PIGB: variants seen among roughly 807,000 people sequenced by gnomAD.
PIGB encodes GPI alpha-1,2-mannosyltransferase 3.
PIGB carries 58 observed loss-of-function variants against 68.4 expected under a neutral mutation model. The observed-to-expected ratio is 0.85, with a 90% CI of 0.69 to 1.06. The LOEUF is 1.06. Among genes scored for constraint, PIGB ranks in the 50% least tolerant of loss-of-function variants. The pLI, the probability that PIGB is intolerant of heterozygous loss-of-function variation, is 0.00. For missense variants in PIGB, 634 were observed against 655.8 expected (o/e 0.97, Z 0.36); for synonymous variants, 219 against 220.5 (o/e 0.99, Z 0.06).
At chr15:55,335,830 G>A (rs1445708469) in intron 6 of PIGB, among the ~76,000 whole-genome samples, 1 of 152,154 alleles carries the variant, frequency 6.6e-6, no homozygotes, top group Non-Finnish European at 1.5e-5. Context: ...GTGAGTTTGG[G>A]AGAATGTAAT....
Position 55,341,814 on chromosome 15 carries a change from T to C in PIGB, c.1123+12T>C. ...TATGGTGTTCTGTGGTAAGTGCTTT[T>C]GTTTGTTATAGAAAATAAATTATAT... On this transcript the variant is annotated intron_variant, in intron 9 of 11. Coordinates refer to ENST00000164305, the MANE Select transcript of PIGB (RefSeq NM_004855.5). 7.8e-7 allele frequency: 1 copy of C among 1,282,340 alleles called. No homozygotes were observed. Among genetic ancestry groups the C allele is most frequent in the Non-Finnish European group, 1.0e-6 (1 of 952,452 alleles). The allele number at this position is 1,282,340 out of a possible 1,614,324, so 79.4% of individuals were successfully genotyped here. A position where few individuals can be genotyped will look rare whatever the true frequency, so the allele number is the denominator to read the frequency against.
At position 55,344,890 on chromosome 15, in the gene PIGB, CTTTTTT is replaced by C. The variant is rs1164109873; in HGVS notation, c.1123+3106_1123+3111del. On this transcript the variant is annotated intron_variant, in intron 9 of 11. Coordinates refer to ENST00000164305, the MANE Select transcript of PIGB (RefSeq NM_004855.5). Reference sequence around the variant, plus strand: ...CCACTTTGTTTTTCCATATTCTTATCTTTTTTTTTTTTTTTTTTTTTTTGAGACAGA... The same window carrying C: ...CCACTTTGTTTTTCCATATTCTTATCTTTTTTTTTTTTTTTTTGAGACAGA... Among the ~76,000 whole-genome samples, 373 of 98,906 alleles carry C rather than the reference CTTTTTT, an allele frequency of 3.8e-3. 2 individuals are homozygous for C. The highest frequency in any genetic ancestry group is 0.015 in the African/African-American group (349 of 23,836). The allele number at this position is 98,906 out of a possible 152,430, so 64.9% of individuals were successfully genotyped here.
At chr15:55,326,728 G>A (rs1304690506) in intron 3 of PIGB, among the ~76,000 whole-genome samples, 7 of 151,874 alleles carry the variant, frequency 4.6e-5, no homozygotes, top group South Asian at 4.2e-4. Flanking sequence ...TTAGCCGGGC[G>A]TGGGAGGCTG....
At chr15:55,327,900 A>G (rs1164008146) in intron 4 of PIGB, among the ~76,000 whole-genome samples, 1 of 152,094 alleles carries the variant, frequency 6.6e-6, no homozygotes, top group Non-Finnish European at 1.5e-5. Flanking sequence ...AAGCCCCTTC[A>G]CTCCTCAAAA....
chr15:55,353,466 TG>T (rs2055972734), intron 10 of PIGB, among the ~76,000 whole-genome samples: 1 of 152,154 alleles, frequency 6.6e-6, no homozygotes, highest in Non-Finnish European at 1.5e-5. Flanking sequence ...CATTTCTAAC[TG>T]GAAATTTTAA....
At chr15:55,350,571 C>T in intron 9 of PIGB, 128 bp from the exon 10 acceptor site, 1 of 682,260 alleles carries the variant, frequency 1.5e-6, no homozygotes, top group South Asian at 1.8e-5. Flanking sequence ...TGACTTATTG[C>T]TTATTTCTTA....
intron 6 of PIGB, among the ~76,000 whole-genome samples, chr15:55,338,630 G>A (rs982755586): frequency 6.6e-6 from 1 of 152,098 alleles, no homozygotes; most frequent in Non-Finnish European, 1.5e-5. Flanking sequence ...CTGGGTGACA[G>A]AGCAAGACCC....
Position 55,327,654 on chromosome 15 carries a change from A to C in PIGB, c.522+19A>C. On this transcript the variant is annotated intron_variant, in intron 4 of 11. Coordinates refer to ENST00000164305, the MANE Select transcript of PIGB (RefSeq NM_004855.5). ...ATGGGTGGTAAGTCCTAAATACTTT[A>C]GAAGCTGTATGCCAGTTATTTCGTT... 1.4e-6 allele frequency: 2 copies of C among 1,434,902 alleles called. No individual in the cohort carries two copies. Among genetic ancestry groups the C allele is most frequent in the Non-Finnish European group, 2.0e-6 (2 of 1,021,808 alleles). 88.9% of individuals were successfully genotyped at this position (1,434,902 alleles called of 1,614,324 possible). A position where few individuals can be genotyped will look rare whatever the true frequency, so the allele number is the denominator to read the frequency against.
intron 7 of PIGB, among the ~76,000 whole-genome samples, chr15:55,339,557 A>T (rs1216450188): frequency 1.3e-5 from 2 of 152,226 alleles, no homozygotes; most frequent in African/African-American, 2.4e-5. Flanking sequence ...ACTGAATGTT[A>T]CCTGTTGCTG....
intron 10 of PIGB, among the ~76,000 whole-genome samples, chr15:55,354,397 A>T (rs1031755100): frequency 3.3e-5 from 5 of 152,036 alleles, no homozygotes; most frequent in Non-Finnish European, 7.4e-5. Flanking sequence ...TCTGATTATG[A>T]TCACAGTTTC....
At chr15:55,353,902 G>C (rs2055993070) in intron 10 of PIGB, among the ~76,000 whole-genome samples, 1 of 151,726 alleles carries the variant, frequency 6.6e-6, no homozygotes, top group Non-Finnish European at 1.5e-5. Context: ...ACTGCACCCG[G>C]CCTACTCTAG....
At chr15:55,338,129 A>G (rs1011737857) in intron 6 of PIGB, among the ~76,000 whole-genome samples, 1 of 152,114 alleles carries the variant, frequency 6.6e-6, no homozygotes, top group South Asian at 2.1e-4. Context: ...AGTTGTGTTC[A>G]TGTAGTGATG....
chr15:55,331,928 T>G (rs1191086626), intron 5 of PIGB, among the ~76,000 whole-genome samples: 1 of 152,116 alleles, frequency 6.6e-6, no homozygotes, highest in East Asian at 1.9e-4. Context: ...GGGCTAGGAT[T>G]CCTTCATGAC....
At chr15:55,346,676 G>A (rs1447905479) in intron 9 of PIGB, 1 of 152,174 alleles carries the variant, frequency 6.6e-6, no homozygotes, top group African/African-American at 2.4e-5. Flanking sequence ...TCATTTACGT[G>A]GTGGGGATGA....
Position 55,340,731 on chromosome 15 carries a change from T to C in PIGB, c.966T>C (p.Thr322=). The change falls in exon 8 of 12, where the codon ACT becomes ACC. Residue 322 remains threonine, a synonymous_variant. Coordinates refer to ENST00000164305, the MANE Select transcript of PIGB (RefSeq NM_004855.5). The part of the protein sequence containing the change: ...FSQGFPVILG[T]HLPFFIHGCY... The stretch of plus-strand genomic sequence containing the variant: ...AAGGATTTCCAGTTATCTTGGGTAC[T>C]CACTTACCCTTCTTTATTCATGGCT... 6.2e-7 allele frequency: 1 copy of C among 1,610,328 alleles called. No homozygotes were observed. Among genetic ancestry groups the C allele is most frequent in the East Asian group, 2.2e-5 (1 of 44,826 alleles).
intron 3 of PIGB, among the ~76,000 whole-genome samples, chr15:55,325,316 ACT>A (rs1419158380): frequency 1.3e-5 from 2 of 151,982 alleles, no homozygotes; most frequent in Non-Finnish European, 2.9e-5. Context: ...ACAGAGTGAG[ACT>A]CTGTCTCACA....
intron 4 of PIGB, among the ~76,000 whole-genome samples, chr15:55,327,865 C>G (rs2055329004): frequency 6.6e-6 from 1 of 152,210 alleles, no homozygotes; most frequent in African/African-American, 2.4e-5. Context: ...CTATGAGAGT[C>G]TAAACCCTGG....
At chr15:55,329,439 T>C (rs2055364492) in intron 4 of PIGB, among the ~76,000 whole-genome samples, 1 of 152,216 alleles carries the variant, frequency 6.6e-6, no homozygotes, top group Admixed American at 6.5e-5. Context: ...TTTTTATGTG[T>C]TTCATTAATG....
chr15:55,330,168 A>G (rs1320762809), intron 5 of PIGB, among the ~76,000 whole-genome samples: 8 of 152,214 alleles, frequency 5.3e-5, no homozygotes, highest in Admixed American at 5.2e-4. Flanking sequence ...AGGAGAAGAA[A>G]TGGTTACTGG....
Sources: gnomAD v4.1 joint callset for allele counts (sites outside exome capture counted in the v4.1 genomes callset) on GRCh38, gnomAD v4.1.1 for gene constraint, MANE v1.5 for transcripts, NCBI Gene and HGNC (gene_info 2026-07-23, HGNC 2026-07-21) for gene names.